Variants in CDH8 observed in about 807,000 individuals in gnomAD.
CDH8 encodes the protein cadherin-8.
In CDH8, 17 loss-of-function variants were observed where a neutral mutation model predicts 68.1. The ratio of observed to expected loss-of-function variants is 0.25; its 90% CI spans 0.17 to 0.37. The LOEUF (loss-of-function observed/expected upper bound fraction) is 0.37, where lower values mean the gene tolerates loss of function less well. CDH8 is among the 10% of genes least tolerant of loss of function. CDH8 has a pLI of 1.00. For synonymous variants in CDH8, 372 were observed against 365.1 expected (o/e 1.02, Z -0.21); for missense variants, 763 against 999.3 (o/e 0.76, Z 3.19).
chr16:61,685,317 G>A (rs1198425676), intron 10 of CDH8, among the ~76,000 whole-genome samples: 1 of 151,858 alleles, frequency 6.6e-6, no homozygotes, highest in Non-Finnish European at 1.5e-5. Flanking sequence ...GGATTAAGGG[G>A]AAGGGTAGAG....
chr16:62,000,518 G>A (rs1426950978), intron 2 of CDH8, among the ~76,000 whole-genome samples: 1 of 152,048 alleles, frequency 6.6e-6, no homozygotes, highest in African/African-American at 2.4e-5. Flanking sequence ...GAAAAAGCTA[G>A]AATAAAAAAA....
At chr16:61,743,167 C>T (rs988182516) in intron 8 of CDH8, 18 of 152,162 alleles carry the variant, frequency 1.2e-4, no homozygotes, top group African/African-American at 4.3e-4. Context: ...AGCAGACTGC[C>T]ACACGTCACA....
chr16:61,879,447 T>C lies in CDH8; in HGVS notation c.547+21732A>G, dbSNP rs573977639. On this transcript the variant is annotated intron_variant, in intron 3 of 11. Coordinates refer to ENST00000577390, the MANE Select transcript of CDH8 (RefSeq NM_001796.5). The stretch of plus-strand genomic sequence containing the variant: ...TCAGGAATCAGCAGCCTTGCCACTC[T>C]GGAAGGCAATGCAGATCCGGTTGAC... Among the ~76,000 whole-genome samples, 6 of 152,286 alleles carry C rather than the reference T, an allele frequency of 3.9e-5. No individual in the cohort carries two copies. The East Asian group carries it at 9.7e-4, about 25-fold the overall frequency.
chr16:61,706,511 C>T (rs890084556), intron 10 of CDH8, among the ~76,000 whole-genome samples: 4 of 150,850 alleles, frequency 2.7e-5, no homozygotes, highest in Non-Finnish European at 5.9e-5. Context: ...GTCCCGGCTA[C>T]TCAGGAGGCT....
At chr16:61,995,029 C>G (rs1965786349) in intron 2 of CDH8, among the ~76,000 whole-genome samples, 1 of 152,114 alleles carries the variant, frequency 6.6e-6, no homozygotes, top group African/African-American at 2.4e-5. Context: ...GAAAAATGAA[C>G]CAAATTGCAA....
rs1963337699 is a variant in CDH8 at position 61,652,209 on chromosome 16, T to C, written c.*1399A>G. Reference sequence around the variant, plus strand: ...TTACAAATTAAATATGCTCACATCTTCTAGTGCTGTTCCTTTTTGGAGTCT... The same window carrying C: ...TTACAAATTAAATATGCTCACATCTCCTAGTGCTGTTCCTTTTTGGAGTCT... On this transcript the variant is annotated 3_prime_UTR_variant, in exon 12 of 12. Transcript: ENST00000577390. The C allele has an allele frequency of 2.0e-6, 2 of 982,028 alleles. No homozygotes were observed. Among genetic ancestry groups the C allele is most frequent in the Non-Finnish European group, 2.4e-6 (2 of 826,854 alleles). The allele number at this position is 982,028 out of a possible 1,614,324, so 60.8% of individuals were successfully genotyped here.
intron 4 of CDH8, among the ~76,000 whole-genome samples, chr16:61,854,231 AG>A (rs1567501136): frequency 1.3e-5 from 2 of 151,958 alleles, no homozygotes; most frequent in African/African-American, 4.8e-5. Context: ...CCATGCAGTT[AG>A]CTGAGACCCT....
intron 4 of CDH8, among the ~76,000 whole-genome samples, chr16:61,834,552 C>G (rs946328879): frequency 6.6e-6 from 1 of 151,806 alleles, no homozygotes; most frequent in Admixed American, 6.6e-5. Context: ...GGGCAGTGTT[C>G]TAATATTTCA....
chr16:61,688,133 G>C (rs910425380), intron 10 of CDH8, among the ~76,000 whole-genome samples: 4 of 151,934 alleles, frequency 2.6e-5, no homozygotes, highest in Admixed American at 2.0e-4. Context: ...CTTTTAGAGG[G>C]AGAAGGAAGG....
chr16:61,654,146 A>C (rs576992546), intron 11 of CDH8, 45 bp from the exon 12 acceptor site: 2 of 1,557,752 alleles, frequency 1.3e-6, no homozygotes, highest in Admixed American at 3.6e-5. Context: ...CAAGCATATA[A>C]TTTCACAAGC....
intron 2 of CDH8, among the ~76,000 whole-genome samples, chr16:62,004,182 T>A (rs1965936912): frequency 6.6e-6 from 1 of 152,166 alleles, no homozygotes; most frequent in Non-Finnish European, 1.5e-5. Flanking sequence ...TAATATTTAG[T>A]CCCCACTCAG....
intron 8 of CDH8, among the ~76,000 whole-genome samples, chr16:61,778,334 C>T (rs1007359689): frequency 6.6e-6 from 1 of 152,030 alleles, no homozygotes; most frequent in Non-Finnish European, 1.5e-5. Flanking sequence ...TAAGCATGTG[C>T]CTGCTTCATT....
intron 8 of CDH8, among the ~76,000 whole-genome samples, chr16:61,781,209 T>A (rs1961042683): frequency 6.6e-6 from 1 of 152,246 alleles, no homozygotes; most frequent in Admixed American, 6.5e-5. Context: ...TGGATTGTCC[T>A]GAAATGTTTC....
chr16:61,671,192 T>G lies in CDH8; in HGVS notation c.1655-15471A>C, dbSNP rs147074758. Among the ~76,000 whole-genome samples the G allele has an allele frequency of 3.5e-4, 54 of 152,266 alleles. No individual in the cohort carries two copies. In the East Asian group the frequency reaches 9.5e-3, roughly 27 times the overall value. ...TTCTTGGATTTTACTCTAAATCAAC[T>G]AAATAAGAATTTCTGGGGATGGGCC... On this transcript the variant is annotated intron_variant, in intron 10 of 11. Coordinates refer to ENST00000577390, the MANE Select transcript of CDH8 (RefSeq NM_001796.5).
At chr16:61,691,034 G>A (rs572869296) in intron 10 of CDH8, among the ~76,000 whole-genome samples, 25 of 151,982 alleles carry the variant, frequency 1.6e-4, no homozygotes, top group African/African-American at 6.0e-4. Context: ...TTGTATATCT[G>A]GCTGTCTAGC....
chr16:61,909,538 G>A (rs543320019), intron 2 of CDH8, among the ~76,000 whole-genome samples: 1 of 152,258 alleles, frequency 6.6e-6, no homozygotes, highest in Non-Finnish European at 1.5e-5. Flanking sequence ...ATAACTGGAT[G>A]TAATCCATTG....
At chr16:61,769,530 T>C (rs1960724498) in intron 8 of CDH8, among the ~76,000 whole-genome samples, 2 of 151,386 alleles carry the variant, frequency 1.3e-5, no homozygotes, top group Non-Finnish European at 3.0e-5. Flanking sequence ...ACTAAAGATT[T>C]ATCAAATAGA....
At chr16:62,011,897 A>G (rs1901821707) in intron 2 of CDH8, among the ~76,000 whole-genome samples, 2 of 152,250 alleles carry the variant, frequency 1.3e-5, no homozygotes. Context: ...AAACACGCTC[A>G]TATCTTAACT....
intron 10 of CDH8, among the ~76,000 whole-genome samples, chr16:61,670,718 C>A (rs1963773631): frequency 6.6e-6 from 1 of 151,880 alleles, no homozygotes; most frequent in Non-Finnish European, 1.5e-5. Flanking sequence ...CCCAAGACCC[C>A]AGGAGATACA....
Sources: gnomAD v4.1 joint callset for allele counts (sites outside exome capture counted in the v4.1 genomes callset) on GRCh38, gnomAD v4.1.1 for gene constraint, MANE v1.5 for transcripts, NCBI Gene and HGNC (gene_info 2026-07-23, HGNC 2026-07-21) for gene names.